TCF12: variants seen among roughly 807,000 people sequenced by gnomAD.
The protein encoded by TCF12 is transcription factor 12.
TCF12 carries 45 observed loss-of-function variants against 86.0 expected under a neutral mutation model. That is an observed-to-expected ratio of 0.52 (90% CI 0.41 to 0.67). TCF12 has a LOEUF of 0.67. TCF12 is among the 30% of genes least tolerant of loss of function. TCF12 has a pLI of 0.00. For synonymous variants in TCF12, 330 were observed against 299.6 expected (o/e 1.10, Z -1.05); for missense variants, 881 against 859.9 (o/e 1.02, Z -0.31).
At chr15:57,238,294 A>G (rs960015654) in intron 12 of TCF12, among the ~76,000 whole-genome samples, 1 of 152,116 alleles carries the variant, frequency 6.6e-6, no homozygotes, top group Admixed American at 6.5e-5. Context: ...ATATGACTCT[A>G]AACTATTACC....
At chr15:56,963,826 A>G (rs967676542) in intron 3 of TCF12, among the ~76,000 whole-genome samples, 2 of 152,106 alleles carry the variant, frequency 1.3e-5, no homozygotes, top group Admixed American at 1.3e-4. Flanking sequence ...CTCAAGGAGG[A>G]ATTGGGGAGA....
At chr15:56,987,294 T>C (rs2063239240) in intron 3 of TCF12, among the ~76,000 whole-genome samples, 1 of 152,098 alleles carries the variant, frequency 6.6e-6, no homozygotes, top group Admixed American at 6.6e-5. Flanking sequence ...TTTGTATTTT[T>C]AGTAAAGAGA....
At chr15:56,959,244 A>G (rs1481594207) in intron 3 of TCF12, among the ~76,000 whole-genome samples, 1 of 152,224 alleles carries the variant, frequency 6.6e-6, no homozygotes, top group Non-Finnish European at 1.5e-5. Context: ...TCTCTTTGGT[A>G]TATATGGATG....
At chr15:57,150,614 A>G (rs2053666994) in intron 5 of TCF12, among the ~76,000 whole-genome samples, 1 of 152,184 alleles carries the variant, frequency 6.6e-6, no homozygotes, top group Admixed American at 6.5e-5. Flanking sequence ...CTTAAAAATT[A>G]CTAGCATGAA....
In TCF12 at chr15:57,273,267, G is replaced by A. The variant is rs2061229003; in HGVS notation, c.1978+5G>A. On this transcript the variant is annotated splice_donor_5th_base_variant and intron_variant, in intron 19 of 20. Coordinates refer to ENST00000333725, the MANE Select transcript of TCF12 (RefSeq NM_207037.2). ...GTCTAGAACAGCAAGTCAGAGGTAAGTAGGTTCAGCCGAGATGTATAACTG... is the reference window on the plus strand; with the variant it reads ...GTCTAGAACAGCAAGTCAGAGGTAAATAGGTTCAGCCGAGATGTATAACTG... The A allele has an allele frequency of 6.2e-7, 1 of 1,613,868 alleles. No homozygotes were observed.
rs544230509 is a variant in TCF12, at chr15:57,002,768, A to C, written c.149-60982A>C. 2.6e-5 allele frequency among the ~76,000 whole-genome samples: 4 copies of C among 152,370 alleles called. No homozygotes were observed. In the East Asian group the frequency reaches 7.7e-4, roughly 29 times the overall value. The stretch of plus-strand genomic sequence containing the variant: ...TAAGGTTTCACGTTTAAACAGATAA[A>C]TAAAGCAGACAGTCTATGGCGCTTC... On this transcript the variant is annotated intron_variant, in intron 3 of 20. Coordinates refer to ENST00000333725, the MANE Select transcript of TCF12 (RefSeq NM_207037.2).
rs2591070 is a variant in TCF12 at position 57,243,653 on chromosome 15, T to C, written c.1114+103T>C. 3,082 of 1,019,142 alleles carry C rather than the reference T, an allele frequency of 3.0e-3. 64 individuals carry two copies. The African/African-American group carries it at 0.044, about 15-fold the overall frequency. The allele number at this position is 1,019,142 out of a possible 1,614,324, so 63.1% of individuals were successfully genotyped here. ...TTTAATAAAAATTTGTGAAAAATCATTTAGATTTTGACTATAAGAAAGTGT... is the reference window on the plus strand; with the variant it reads ...TTTAATAAAAATTTGTGAAAAATCACTTAGATTTTGACTATAAGAAAGTGT... On this transcript the variant is annotated intron_variant, in intron 13 of 20. Transcript: ENST00000333725.
chr15:57,103,943 G>C (rs1404178150), intron 5 of TCF12, among the ~76,000 whole-genome samples: 2 of 152,148 alleles, frequency 1.3e-5, no homozygotes, highest in East Asian at 3.9e-4. Context: ...GGGAGGTGGA[G>C]GTTGCAGTGA....
chr15:56,959,199 T>G (rs566790995), intron 3 of TCF12, among the ~76,000 whole-genome samples: 12 of 152,366 alleles, frequency 7.9e-5, no homozygotes, highest in Non-Finnish European at 1.8e-4. Context: ...CTTGTTTATT[T>G]AAAAATATTT....
At chr15:57,077,931 A>G (rs548904394) in intron 4 of TCF12, among the ~76,000 whole-genome samples, 15 of 152,190 alleles carry the variant, frequency 9.9e-5, no homozygotes, top group Non-Finnish European at 1.8e-4. Context: ...TAAATAACAC[A>G]TTTATTGTCT....
intron 5 of TCF12, among the ~76,000 whole-genome samples, chr15:57,163,169 G>A (rs1400059736): frequency 6.6e-6 from 1 of 151,468 alleles, no homozygotes; most frequent in Non-Finnish European, 1.5e-5. Context: ...GTGAGACTCA[G>A]TCTCAAAAAA....
chr15:57,150,877 T>A (rs12898853), intron 5 of TCF12, among the ~76,000 whole-genome samples: 1 of 48,288 alleles, frequency 2.1e-5, no homozygotes, highest in Non-Finnish European at 3.8e-5. Context: ...CTCTGTCCCT[T>A]CCTTCCTTCC....
chr15:57,012,982 GA>G (rs1334049341), intron 3 of TCF12, among the ~76,000 whole-genome samples: 1 of 151,920 alleles, frequency 6.6e-6, no homozygotes, highest in Non-Finnish European at 1.5e-5. Flanking sequence ...AAGTCTCTAA[GA>G]GTTAGTACTT....
chr15:57,096,472 C>G (rs2049330113), intron 5 of TCF12, among the ~76,000 whole-genome samples: 1 of 151,982 alleles, frequency 6.6e-6, no homozygotes, highest in Admixed American at 6.6e-5. Context: ...ATACAGTCAT[C>G]CCTTAGTATC....
intron 4 of TCF12, among the ~76,000 whole-genome samples, chr15:57,077,730 C>T (rs1478975345): frequency 1.4e-5 from 2 of 138,434 alleles, no homozygotes; most frequent in African/African-American, 2.6e-5. Flanking sequence ...CCACACCTGG[C>T]GGATCTGTAG....
chr15:57,006,185 A>G (rs1161680915), intron 3 of TCF12, among the ~76,000 whole-genome samples: 1 of 152,218 alleles, frequency 6.6e-6, no homozygotes, highest in Non-Finnish European at 1.5e-5. Context: ...AATTAAAAGG[A>G]ACCAGTGATG....
intron 5 of TCF12, among the ~76,000 whole-genome samples, chr15:57,104,435 C>CTTTTTTTTTTTTTTTTTT (rs71113062): frequency 9.7e-6 from 1 of 103,360 alleles, no homozygotes; most frequent in Non-Finnish European, 1.9e-5. Flanking sequence ...TTTTTTTTTT[C>CTTTTTTTTTTTTTTTTTT]TTTTTTTTTT....
intron 20 of TCF12, among the ~76,000 whole-genome samples, chr15:57,283,230 A>C (rs1341779683): frequency 1.3e-5 from 2 of 151,368 alleles, no homozygotes; most frequent in Admixed American, 6.6e-5. Context: ...CTTCCTTTTC[A>C]TGGACTAAAC....
At chr15:57,119,458 C>CT (rs137914038) in intron 5 of TCF12, among the ~76,000 whole-genome samples, 30 of 139,154 alleles carry the variant, frequency 2.2e-4, no homozygotes, top group Admixed American at 2.9e-4. Flanking sequence ...CGGTCCACAG[C>CT]TTTTTTTTTT....
Sources: allele counts gnomAD v4.1 joint callset (sites outside exome capture counted in the v4.1 genomes callset), GRCh38; gene constraint gnomAD v4.1.1; transcripts MANE v1.5; gene names NCBI Gene and HGNC (gene_info 2026-07-23, HGNC 2026-07-21).